The following DYM variants were observed in gnomAD, a reference collection of about 807,000 sequenced individuals.
The protein encoded by DYM is dymeclin.
A neutral mutation model predicts 93.1 loss-of-function variants in DYM; 78 were observed. The ratio of observed to expected loss-of-function variants is 0.84; its 90% confidence interval spans 0.70 to 1.01. The LOEUF is 1.01. Among genes scored for constraint, DYM ranks in the 50% least tolerant of loss-of-function variants. The pLI is 0.00. For missense variants in DYM, 789 were observed against 845.0 expected (o/e 0.93, Z 0.82); for synonymous variants, 321 against 319.7 (o/e 1.00, Z -0.04).
chr18:49,381,180 G>T (rs1002504943), intron 3 of DYM, among the ~76,000 whole-genome samples: 8 of 151,986 alleles, frequency 5.3e-5, no homozygotes, highest in African/African-American at 1.9e-4. Context: ...TTTTTGTAGA[G>T]ATGGTTTTGC....
chr18:49,340,338 TA>T (rs766317615), intron 6 of DYM, among the ~76,000 whole-genome samples: 1 of 150,136 alleles, frequency 6.7e-6, no homozygotes, highest in South Asian at 2.1e-4. Context: ...AGGAAAAAAG[TA>T]AAAAAAAACA....
chr18:49,197,642 A>G (rs567647877), intron 14 of DYM, among the ~76,000 whole-genome samples: 16 of 152,320 alleles, frequency 1.1e-4, no homozygotes, highest in Non-Finnish European at 2.4e-4. Context: ...TGCTTCAAAG[A>G]GAGTAAAATA....
At chr18:49,372,956 T>A (rs1226984894) in intron 5 of DYM, among the ~76,000 whole-genome samples, 1 of 152,106 alleles carries the variant, frequency 6.6e-6, no homozygotes, top group East Asian at 1.9e-4. Context: ...ATTCTCCCAC[T>A]ACCCTTACAT....
chr18:49,388,889 G>GA (rs912676508), intron 3 of DYM, among the ~76,000 whole-genome samples: 4 of 66,316 alleles, frequency 6.0e-5, no homozygotes, highest in African/African-American at 2.4e-4. Context: ...CAAAAGCCAA[G>GA]AAAAAAAATA....
chr18:49,051,649 G>A (rs995765096), intron 17 of DYM, among the ~76,000 whole-genome samples: 4 of 152,186 alleles, frequency 2.6e-5, no homozygotes, highest in Admixed American at 6.5e-5. Flanking sequence ...GTTGACAATA[G>A]ACATTTTTAA....
chr18:49,416,741 C>T (rs2073034460), intron 2 of DYM, among the ~76,000 whole-genome samples: 2 of 152,140 alleles, frequency 1.3e-5, no homozygotes, highest in Non-Finnish European at 2.9e-5. Flanking sequence ...GCACTTTCCA[C>T]CTACTCACCC....
At chr18:49,092,889 C>A (rs559319741) in intron 17 of DYM, among the ~76,000 whole-genome samples, 39 of 152,266 alleles carry the variant, frequency 2.6e-4, no homozygotes, top group African/African-American at 9.1e-4. Context: ...GTCCTTGGGA[C>A]AGCAAGCCAT....
chr18:49,129,910 G>T (rs1599962072), intron 15 of DYM, among the ~76,000 whole-genome samples: 2 of 152,286 alleles, frequency 1.3e-5, no homozygotes, highest in East Asian at 3.9e-4. Context: ...TGAACAAGAG[G>T]TAGGAAGCTC....
At chr18:49,196,327 A>T (rs75530037) in intron 14 of DYM, among the ~76,000 whole-genome samples, 9,226 of 152,172 alleles carry the variant, frequency 0.061, 525 homozygotes, top group East Asian at 0.26. Flanking sequence ...AGACTGAGCA[A>T]GTCTGCAAAA....
chr18:49,212,266 T>C (rs1427549296), intron 13 of DYM, among the ~76,000 whole-genome samples: 1 of 152,190 alleles, frequency 6.6e-6, no homozygotes, highest in Non-Finnish European at 1.5e-5. Flanking sequence ...AAAAAAGGCA[T>C]TTTTTACTTA....
intron 13 of DYM, among the ~76,000 whole-genome samples, chr18:49,219,024 C>A (rs1241461045): frequency 6.6e-6 from 1 of 151,860 alleles, no homozygotes; most frequent in Non-Finnish European, 1.5e-5. Context: ...CTAATAAAGA[C>A]GAAAACAGAG....
chr18:49,121,641 CAA>C (rs1200039979), intron 15 of DYM, among the ~76,000 whole-genome samples: 1 of 152,018 alleles, frequency 6.6e-6, no homozygotes, highest in Non-Finnish European at 1.5e-5. Context: ...AAGACCAAGA[CAA>C]AGAGAAAATC....
At chr18:49,315,395 C>T (rs990502572) in intron 8 of DYM, among the ~76,000 whole-genome samples, 9 of 152,072 alleles carry the variant, frequency 5.9e-5, no homozygotes, top group Non-Finnish European at 1.2e-4. Flanking sequence ...TGGCAACATC[C>T]GTAGTAAGAA....
chr18:49,347,119 T>TTCAC (rs2147101657), intron 6 of DYM, among the ~76,000 whole-genome samples: 1 of 152,336 alleles, frequency 6.6e-6, no homozygotes, highest in Admixed American at 6.5e-5. Flanking sequence ...ACTGAATGCC[T>TTCAC]ATCGCTTTCA....
intron 2 of DYM, among the ~76,000 whole-genome samples, chr18:49,429,989 T>A (rs1399226049): frequency 6.6e-6 from 1 of 152,240 alleles, no homozygotes; most frequent in South Asian, 2.1e-4. Context: ...ATGGGATATA[T>A]GCTTAAGTAA....
At chr18:49,390,898 C>T (rs2069168905) in intron 3 of DYM, 1 of 153,544 alleles carries the variant, frequency 6.5e-6, no homozygotes, top group South Asian at 2.0e-4. Context: ...CTTTTCAAAG[C>T]ACCAATGCAA....
chr18:49,211,550 G>T (rs2092786165), intron 13 of DYM, among the ~76,000 whole-genome samples: 1 of 152,164 alleles, frequency 6.6e-6, no homozygotes, highest in Non-Finnish European at 1.5e-5. Flanking sequence ...AAACTAGTAA[G>T]TTAGAAGATT....
chr18:49,309,493 G>T (rs998007701), intron 8 of DYM, among the ~76,000 whole-genome samples: 2 of 152,038 alleles, frequency 1.3e-5, no homozygotes, highest in African/African-American at 4.8e-5. Flanking sequence ...TAATCAGTTG[G>T]GTGTTGTGGT....
At chr18:49,413,362 G>C (rs766624448) in intron 2 of DYM, among the ~76,000 whole-genome samples, 6 of 152,202 alleles carry the variant, frequency 3.9e-5, no homozygotes, top group Non-Finnish European at 5.9e-5. Flanking sequence ...CTACAGCAAT[G>C]GGTCCAGCAT....
Sources: allele counts gnomAD v4.1 joint callset (sites outside exome capture counted in the v4.1 genomes callset), GRCh38; gene constraint gnomAD v4.1.1; transcripts MANE v1.5; gene names NCBI Gene and HGNC (gene_info 2026-07-23, HGNC 2026-07-21).